MGAT5: variants seen among roughly 807,000 people sequenced by gnomAD.
MGAT5 encodes alpha-1,6-mannosylglycoprotein 6-beta-N-acetylglucosaminyltransferase A.
MGAT5 carries 30 observed loss-of-function variants against 94.3 expected under a neutral mutation model. The observed-to-expected ratio is 0.32, with a 90% confidence interval of 0.24 to 0.43. MGAT5 has a LOEUF of 0.43. Among genes scored for constraint, MGAT5 ranks in the 20% least tolerant of loss-of-function variants. The probability of loss-of-function intolerance (pLI) is 1.00; values close to 1 mark genes in which losing one functional copy is unlikely to be tolerated. For synonymous variants in MGAT5, 310 were observed against 322.9 expected, an observed-to-expected ratio of 0.96 and a Z score of 0.43; for missense variants, 691 against 905.5, an observed-to-expected ratio of 0.76 and a Z score of 3.04.
chr2:134,295,546 G>C (rs6751660), intron 2 of MGAT5, among the ~76,000 whole-genome samples: 84,028 of 152,076 alleles, frequency 0.55, 26,481 homozygotes, highest in Non-Finnish European at 0.71. Context: ...AGGGAGTTTT[G>C]TTGTCACTTT....
intron 1 of MGAT5, among the ~76,000 whole-genome samples, chr2:134,257,337 T>A (rs1683033622): frequency 6.6e-6 from 1 of 152,116 alleles, no homozygotes. Flanking sequence ...GGTTCAAGCC[T>A]CAGCCTCCAG....
Position 134,451,608 on chromosome 2 carries a change from A to G in MGAT5, c.*2761A>G, listed in dbSNP as rs1393553396. 6.6e-6 allele frequency: 1 copy of G among 152,136 alleles called. No individual in the cohort carries two copies. Among genetic ancestry groups the G allele is most frequent in the African/African-American group, 2.4e-5 (1 of 41,412 alleles). The allele number at this position is 152,136 out of a possible 1,614,324, so 9.4% of individuals were successfully genotyped here. ...ATTGCTGATCTTGATAGAATCCTAA[A>G]CCGATTTATAGCTGATAACAGTTCC... On this transcript the variant is annotated 3_prime_UTR_variant, in exon 16 of 16. Transcript: ENST00000281923.
At position 134,336,209 on chromosome 2, in the gene MGAT5, C is replaced by T; in HGVS notation, c.574-8C>T. ...AGCTGCATATTTAGTGTCACTGATG[C>T]TTTTTAGGTTGAAAATTGGTGTCCT... On this transcript the variant is annotated splice_region_variant and splice_polypyrimidine_tract_variant and intron_variant, in intron 4 of 15. Coordinates refer to ENST00000281923, the MANE Select transcript of MGAT5 (RefSeq NM_002410.5). 6.2e-7 allele frequency: 1 copy of T among 1,610,516 alleles called. No individual in the cohort carries two copies. The highest frequency in any genetic ancestry group is 8.5e-7 in the Non-Finnish European group (1 of 1,177,836).
chr2:134,130,137 G>A (rs1379651311), intron 1 of MGAT5, among the ~76,000 whole-genome samples: 6 of 151,682 alleles, frequency 4.0e-5, no homozygotes, highest in African/African-American at 1.5e-4. Context: ...TGGAATTCTC[G>A]CCTGGCCTCA....
chr2:134,254,335 C>A lies in MGAT5; in HGVS notation c.-69C>A. ...AGACCAGCAGACTCTCACACTCAAC[C>A]TACACCATGAATTTGTGTCTATCTT... On this transcript the variant is annotated 5_prime_UTR_variant, in exon 1 of 16. Coordinates refer to ENST00000281923, the MANE Select transcript of MGAT5 (RefSeq NM_002410.5). 6.3e-7 allele frequency: 1 copy of A among 1,576,922 alleles called. No homozygotes were observed. The highest frequency in any genetic ancestry group is 8.6e-7 in the Non-Finnish European group (1 of 1,159,960).
rs112962748 is a variant in MGAT5 at position 134,148,322 on chromosome 2, A to C, written c.-143+28031A>C. ...GGAATCACCTGGGGGAGTTTTAAGAATTCTAGCACTCTGGCCATACCCCAG... is the reference window on the plus strand; with the variant it reads ...GGAATCACCTGGGGGAGTTTTAAGACTTCTAGCACTCTGGCCATACCCCAG... On this transcript the variant is annotated intron_variant, in intron 1 of 16. Transcript: ENST00000409645. Among the ~76,000 whole-genome samples the C allele has an allele frequency of 9.9e-3, 1,507 of 152,218 alleles. 22 individuals are homozygous for C. Among genetic ancestry groups the C allele is most frequent in the African/African-American group, 0.033 (1,380 of 41,522 alleles).
rs1375932214 is a variant in MGAT5, at chr2:134,209,173, T to A, written c.-142-45089T>A. 2.0e-4 allele frequency among the ~76,000 whole-genome samples: 4 copies of A among 20,164 alleles called. 1 individual carries two copies. The highest frequency in any genetic ancestry group is 6.3e-4 in the Admixed American group (1 of 1,596). 13.2% of individuals were successfully genotyped at this position (20,164 alleles called of 152,430 possible). On this transcript the variant is annotated intron_variant, in intron 1 of 16. Coordinates refer to the MGAT5 transcript ENST00000409645. ...TTTTATTTTTTTTTTTTTTTTTATT[T>A]TTTTTTTTATTTTTTAATTATTATT...
At chr2:134,171,141 A>G (rs537789150) in intron 1 of MGAT5, among the ~76,000 whole-genome samples, 1 of 152,164 alleles carries the variant, frequency 6.6e-6, no homozygotes, top group Non-Finnish European at 1.5e-5. Flanking sequence ...GATTCCATGC[A>G]TGAGCCACTG....
intron 1 of MGAT5, among the ~76,000 whole-genome samples, chr2:134,259,203 A>G (rs1683166753): frequency 6.6e-6 from 1 of 152,152 alleles, no homozygotes; most frequent in South Asian, 2.1e-4. Flanking sequence ...CCTCCCAGGC[A>G]AGTGTAGAGC....
chr2:134,259,903 A>G (rs1265264144), intron 1 of MGAT5, among the ~76,000 whole-genome samples: 1 of 152,182 alleles, frequency 6.6e-6, no homozygotes, highest in African/African-American at 2.4e-5. Context: ...ACATTCCAGG[A>G]AGAAAAATGG....
Position 134,368,303 on chromosome 2 carries a change from G to A in MGAT5, c.1380+5895G>A, listed in dbSNP as rs571915709. 2.0e-5 allele frequency among the ~76,000 whole-genome samples: 3 copies of A among 152,340 alleles called. No individual in the cohort carries two copies. The South Asian group carries it at 6.2e-4, about 32-fold the overall frequency. On this transcript the variant is annotated intron_variant, in intron 10 of 15. Coordinates refer to ENST00000281923, the MANE Select transcript of MGAT5 (RefSeq NM_002410.5). ...CCCACCGCAGGATCGCCAAGTCAGC[G>A]ACAGCCTTGCAGCCAGTTCTGTAGA...
At position 134,182,079 on chromosome 2, in the gene MGAT5, A is replaced by T. The variant is rs528813945; in HGVS notation, c.-143+61788A>T. Among the ~76,000 whole-genome samples, 96 of 152,340 alleles carry T rather than the reference A, an allele frequency of 6.3e-4. 1 individual carries two copies. Among genetic ancestry groups the T allele is most frequent in the Middle Eastern group, 3.4e-3 (1 of 294 alleles). Reference sequence around the variant, plus strand: ...TAACATCTGGTTAAGTGCATATGGTATGCTTTGGTAGTTCATAGAAGAAAT... The same window carrying T: ...TAACATCTGGTTAAGTGCATATGGTTTGCTTTGGTAGTTCATAGAAGAAAT... On this transcript the variant is annotated intron_variant, in intron 1 of 16. Coordinates refer to the MGAT5 transcript ENST00000409645.
At chr2:134,194,174 A>G (rs537829142) in intron 1 of MGAT5, among the ~76,000 whole-genome samples, 76 of 152,318 alleles carry the variant, frequency 5.0e-4, no homozygotes, top group African/African-American at 1.7e-3. Flanking sequence ...TTTCCTGTGA[A>G]TGAATTGAAT....
rs374650100 is a variant in MGAT5, at chr2:134,339,452, ATT to A, written c.807+1036_807+1037del. 1.4e-3 allele frequency among the ~76,000 whole-genome samples: 214 copies of A among 152,236 alleles called. 1 individual carries two copies. Among genetic ancestry groups the A allele is most frequent in the Middle Eastern group, 6.8e-3 (2 of 294 alleles). ...CTTCTTGCTGTTAGTTTGAAAACGT[ATT>A]TTTCTTATTTTGATAAACTAAAATT... On this transcript the variant is annotated intron_variant, in intron 6 of 15. Coordinates refer to ENST00000281923, the MANE Select transcript of MGAT5 (RefSeq NM_002410.5).
intron 1 of MGAT5, among the ~76,000 whole-genome samples, chr2:134,154,987 A>G (rs1687407605): frequency 6.6e-6 from 1 of 152,154 alleles, no homozygotes; most frequent in Non-Finnish European, 1.5e-5. Flanking sequence ...AACTCTTAGG[A>G]ATAACAGAGG....
At chr2:134,243,474 TG>T (rs1682075407) in intron 1 of MGAT5, among the ~76,000 whole-genome samples, 1 of 152,140 alleles carries the variant, frequency 6.6e-6, no homozygotes, top group Admixed American at 6.5e-5. Flanking sequence ...TTGACCTTGG[TG>T]TATACATTAA....
At chr2:134,301,746 G>A (rs147080663) in intron 2 of MGAT5, among the ~76,000 whole-genome samples, 1 of 152,134 alleles carries the variant, frequency 6.6e-6, no homozygotes, top group African/African-American at 2.4e-5. Context: ...GAAGATAAAC[G>A]GTAACTGGAG....
intron 2 of MGAT5, among the ~76,000 whole-genome samples, chr2:134,276,076 C>T (rs576829973): frequency 2.6e-5 from 4 of 152,220 alleles, no homozygotes; most frequent in Admixed American, 1.3e-4. Flanking sequence ...TGCAGAAAGA[C>T]GCCTGAGACG....
chr2:134,373,909 A>G (rs1357517092), intron 10 of MGAT5, among the ~76,000 whole-genome samples: 1 of 152,260 alleles, frequency 6.6e-6, no homozygotes, highest in East Asian at 1.9e-4. Flanking sequence ...ATCTTGGGAG[A>G]ATAATGTTCA....
Sources: allele counts gnomAD v4.1 joint callset (sites outside exome capture counted in the v4.1 genomes callset), GRCh38; gene constraint gnomAD v4.1.1; transcripts MANE v1.5; gene names NCBI Gene and HGNC (gene_info 2026-07-23, HGNC 2026-07-21).